Variants in RILPL1 observed in about 807,000 individuals in gnomAD.
The protein encoded by RILPL1 is RILP-like protein 1.
In RILPL1, 33 loss-of-function variants were observed where a neutral mutation model predicts 50.3. The ratio of observed to expected loss-of-function variants is 0.66; its 90% confidence interval spans 0.50 to 0.88. RILPL1 has a LOEUF of 0.88. RILPL1 is among the 40% of genes least tolerant of loss of function. The probability of loss-of-function intolerance (pLI) is 0.00; values close to 1 mark genes in which losing one functional copy is unlikely to be tolerated. For missense variants in RILPL1, 418 were observed against 542.5 expected, an observed-to-expected ratio of 0.77 and a Z score of 2.28; for synonymous variants, 205 against 228.6, an observed-to-expected ratio of 0.90 and a Z score of 0.93.
chr12:123,510,444 CTG>C (rs978200445), intron 2 of RILPL1, among the ~76,000 whole-genome samples: 1 of 135,390 alleles, frequency 7.4e-6, no homozygotes, highest in Admixed American at 7.5e-5. Context: ...TGTGTGAGGT[CTG>C]TGTGTGTGAA....
intron 2 of RILPL1, among the ~76,000 whole-genome samples, chr12:123,519,077 A>G (rs1884879820): frequency 6.6e-6 from 1 of 151,156 alleles, no homozygotes; most frequent in Non-Finnish European, 1.5e-5. Flanking sequence ...AAAAAAAAGA[A>G]AAGAAAAAAG....
intron 2 of RILPL1, among the ~76,000 whole-genome samples, chr12:123,502,852 T>C (rs1466127852): frequency 6.6e-6 from 1 of 152,206 alleles, no homozygotes; most frequent in Non-Finnish European, 1.5e-5. Flanking sequence ...ATCAAGGTGT[T>C]ACCAGGGCCA....
chr12:123,505,632 TTC>T (rs1883699605), intron 2 of RILPL1, among the ~76,000 whole-genome samples: 2 of 151,118 alleles, frequency 1.3e-5, no homozygotes, highest in African/African-American at 4.9e-5. Context: ...AGTTTTTGTT[TTC>T]TGTTTTTTTT....
At chr12:123,499,286 C>A in intron 3 of RILPL1, 132 bp downstream of exon 3, 1 of 646,966 alleles carries the variant, frequency 1.5e-6, no homozygotes, top group Non-Finnish European at 2.8e-6. Flanking sequence ...AAGCCATGAG[C>A]AGGATCCACA....
intron 6 of RILPL1, chr12:123,475,184 C>A (rs1881507405): frequency 5.8e-6 from 1 of 171,864 alleles, no homozygotes; most frequent in Admixed American, 5.6e-5. Flanking sequence ...CCACTTAGCA[C>A]TTCTGACACA....
At chr12:123,483,461 C>T (rs1407185431) in intron 6 of RILPL1, among the ~76,000 whole-genome samples, 1 of 152,238 alleles carries the variant, frequency 6.6e-6, no homozygotes, top group Non-Finnish European at 1.5e-5. Context: ...TTAGTAGATA[C>T]TGTCTAACAA....
intron 4 of RILPL1, among the ~76,000 whole-genome samples, chr12:123,488,848 G>A (rs1312974049): frequency 6.6e-6 from 1 of 152,182 alleles, no homozygotes; most frequent in East Asian, 1.9e-4. Flanking sequence ...AAGAACAAGG[G>A]GAGGAAATGT....
chr12:123,488,654 G>A (rs750951861), intron 4 of RILPL1, among the ~76,000 whole-genome samples: 4 of 152,184 alleles, frequency 2.6e-5, no homozygotes, highest in Admixed American at 6.6e-5. Context: ...GCTGGGGCAC[G>A]TCAGGTGACA....
chr12:123,521,639 G>A (rs576325926), intron 2 of RILPL1, among the ~76,000 whole-genome samples: 4 of 91,572 alleles, frequency 4.4e-5, no homozygotes, highest in African/African-American at 1.5e-4. Context: ...ACACACATAT[G>A]TGTATATATA....
Position 123,522,883 on chromosome 12 carries a change from G to A in RILPL1, c.460+612C>T, listed in dbSNP as rs1358059502. 1.3e-5 allele frequency among the ~76,000 whole-genome samples: 2 copies of A among 152,148 alleles called. No homozygotes were observed. Among genetic ancestry groups the A allele is most frequent in the Non-Finnish European group, 2.9e-5 (2 of 68,034 alleles). ...GCTGGGATCACAGGTGTGAGCCACTGCGCGCGGCCTACACCGGCCTTCTTG... is the reference window on the plus strand; with the variant it reads ...GCTGGGATCACAGGTGTGAGCCACTACGCGCGGCCTACACCGGCCTTCTTG... On this transcript the variant is annotated intron_variant, in intron 2 of 6. Coordinates refer to ENST00000376874, the MANE Select transcript of RILPL1 (RefSeq NM_178314.5). The surrounding 1 kb of genome is among the most constrained non-coding windows in gnomAD (Gnocchi z 4.0).
intron 1 of RILPL1, among the ~76,000 whole-genome samples, chr12:123,531,642 G>A (rs1042805899): frequency 5.3e-5 from 8 of 152,180 alleles, no homozygotes; most frequent in Admixed American, 2.0e-4. Flanking sequence ...TTTAAGACTT[G>A]CAAAGCCCTT....
At position 123,533,419 on chromosome 12, in the gene RILPL1, G is replaced by T; in HGVS notation, c.64C>A (p.Leu22Met). The T allele has an allele frequency of 6.5e-7, 1 of 1,543,622 alleles. No individual in the cohort carries two copies. The part of the protein sequence containing the change: ...ESALEKNVAE[L>M]TVMDVYDIAS... ...ATGTCGTACACGTCCATGACGGTCA[G>T]CTCGGCCACGTTCTTCTCCAGCGCC... Residue 22 changes from leucine (L) to methionine (M), a missense_variant, in exon 1 of 7, where the codon CTG becomes ATG. Leu to Met is a conservative substitution (Grantham distance 15). Transcript: ENST00000376874. This position sits in a 1 kb window ranked among gnomAD's most constrained non-coding sequence, Gnocchi z 6.2.
intron 6 of RILPL1, among the ~76,000 whole-genome samples, chr12:123,480,552 G>A (rs776913989): frequency 3.9e-5 from 6 of 152,036 alleles, no homozygotes; most frequent in African/African-American, 7.2e-5. Context: ...CCCATGCAGA[G>A]ACTATCTGGG....
At chr12:123,493,636 C>T (rs1166367100) in intron 4 of RILPL1, among the ~76,000 whole-genome samples, 2 of 152,168 alleles carry the variant, frequency 1.3e-5, no homozygotes, top group Non-Finnish European at 2.9e-5. Flanking sequence ...CAAATCCTGC[C>T]CTGGGACAAA....
intron 2 of RILPL1, among the ~76,000 whole-genome samples, chr12:123,506,906 T>G (rs2139352810): frequency 6.6e-6 from 1 of 152,206 alleles, no homozygotes; most frequent in Non-Finnish European, 1.5e-5. Flanking sequence ...ACCTCCTGGG[T>G]CCTGCTCAGC....
intron 4 of RILPL1, among the ~76,000 whole-genome samples, chr12:123,486,120 C>A (rs779521262): frequency 5.9e-5 from 9 of 152,198 alleles, no homozygotes; most frequent in Non-Finnish European, 1.2e-4. Context: ...CCTCCCCTGC[C>A]CCCACCCTCG....
Position 123,480,230 on chromosome 12 carries a change from G to A in RILPL1, c.1067+3950C>T, listed in dbSNP as rs187069867. 3.8e-3 allele frequency among the ~76,000 whole-genome samples: 565 copies of A among 147,172 alleles called. 2 individuals carry two copies. Among genetic ancestry groups the A allele is most frequent in the African/African-American group, 0.014 (540 of 39,688 alleles). ...GGCTCGAATGCAGTGGTGTGATCTCGGCTCACTGCAACCTCCGCCTCTGGA... is the reference window on the plus strand; with the variant it reads ...GGCTCGAATGCAGTGGTGTGATCTCAGCTCACTGCAACCTCCGCCTCTGGA... On this transcript the variant is annotated intron_variant, in intron 6 of 6. Transcript: ENST00000376874.
In RILPL1 at chr12:123,533,086, G is replaced by A; in HGVS notation, c.309+88C>T. Reference sequence around the variant, plus strand: ...TGGTCCGGTCCCTGAACACACACACGTGCGCACCCACAGCTGCCCAATGCG... The same window carrying A: ...TGGTCCGGTCCCTGAACACACACACATGCGCACCCACAGCTGCCCAATGCG... On this transcript the variant is annotated intron_variant, in intron 1 of 6. Transcript: ENST00000376874. This position sits in a 1 kb window ranked among gnomAD's most constrained non-coding sequence, Gnocchi z 6.2. 7.6e-7 allele frequency: 1 copy of A among 1,312,886 alleles called. No homozygotes were observed. Among genetic ancestry groups the A allele is most frequent in the Non-Finnish European group, 1.0e-6 (1 of 972,956 alleles). The allele number at this position is 1,312,886 out of a possible 1,614,324, so 81.3% of individuals were successfully genotyped here. A position where few individuals can be genotyped will look rare whatever the true frequency, so the allele number is the denominator to read the frequency against.
chr12:123,528,715 C>T (rs1003461839), intron 1 of RILPL1, among the ~76,000 whole-genome samples: 5 of 152,098 alleles, frequency 3.3e-5, no homozygotes, highest in African/African-American at 9.7e-5. Flanking sequence ...CTTGAGCCAC[C>T]GCGCCCGACC....
Sources: allele counts gnomAD v4.1 joint callset (sites outside exome capture counted in the v4.1 genomes callset), GRCh38; gene constraint gnomAD v4.1.1; non-coding constraint Gnocchi (gnomAD v3.1); transcripts MANE v1.5; gene names NCBI Gene and HGNC (gene_info 2026-07-23, HGNC 2026-07-21).